The following MAP2K3 variants were observed in gnomAD, a reference collection of about 807,000 sequenced individuals.
MAP2K3 encodes mitogen-activated protein kinase kinase 3.
MAP2K3 carries 30 observed loss-of-function variants against 46.4 expected under a neutral mutation model. That is an observed-to-expected ratio of 0.65 (90% CI 0.48 to 0.88). MAP2K3 has a LOEUF of 0.88. MAP2K3 is among the 40% of genes least tolerant of loss of function. MAP2K3 has a pLI of 0.00. For missense variants in MAP2K3, 380 were observed against 464.5 expected, an observed-to-expected ratio of 0.82 and a Z score of 1.67; for synonymous variants, 189 against 176.3, an observed-to-expected ratio of 1.07 and a Z score of -0.57.
At chr17:21,289,389 A>C (rs1200425689) in intron 1 of MAP2K3, among the ~76,000 whole-genome samples, 1 of 152,070 alleles carries the variant, frequency 6.6e-6, no homozygotes, top group East Asian at 1.9e-4. Context: ...CCCGGGAAGC[A>C]AGAGGGCCTG....
chr17:21,288,695 T>A (rs1490237588), intron 1 of MAP2K3, among the ~76,000 whole-genome samples: 1 of 152,252 alleles, frequency 6.6e-6, no homozygotes, highest in Non-Finnish European at 1.5e-5. Context: ...ATCTGCAGAC[T>A]GAGAATGGGG....
intron 8 of MAP2K3, 122 bp downstream of exon 8, chr17:21,304,675 C>G: frequency 3.3e-6 from 5 of 1,494,324 alleles, no homozygotes; most frequent in Non-Finnish European, 2.7e-6. Flanking sequence ...ACTGCGTTTC[C>G]TGCTGTAGTG....
chr17:21,294,197 A>G (rs1976107767), intron 1 of MAP2K3, among the ~76,000 whole-genome samples: 2 of 49,774 alleles, frequency 4.0e-5, no homozygotes, highest in Non-Finnish European at 8.7e-5. Flanking sequence ...GGCCTGGGGC[A>G]GGGCGGCGCC....
At chr17:21,289,079 A>G (rs1355610432) in intron 1 of MAP2K3, among the ~76,000 whole-genome samples, 1 of 152,242 alleles carries the variant, frequency 6.6e-6, no homozygotes, top group Admixed American at 6.5e-5. Context: ...AAACAGTAGC[A>G]GGGCTTCGTG....
At chr17:21,300,137 CTTTTG>C (rs1483868769) in intron 3 of MAP2K3, among the ~76,000 whole-genome samples, 3 of 152,312 alleles carry the variant, frequency 2.0e-5, no homozygotes, top group Admixed American at 6.5e-5. Flanking sequence ...GAAGGCAATA[CTTTTG>C]TTTTGTTGTC....
chr17:21,298,786 C>A, intron 2 of MAP2K3, 92 bp from the exon 3 acceptor site: 1 of 1,592,178 alleles, frequency 6.3e-7, no homozygotes, highest in Non-Finnish European at 8.6e-7. Context: ...GCACCTCGTC[C>A]CCACGCCAGG....
At chr17:21,300,517 C>G (rs1472669872) in intron 3 of MAP2K3, 28 bp from the exon 4 acceptor site, 4 of 1,585,174 alleles carry the variant, frequency 2.5e-6, no homozygotes, top group Non-Finnish European at 3.4e-6. Context: ...AGCTTGCTGG[C>G]CACTGACTCT....
chr17:21,310,701 CAG>C (rs1977120602), intron 9 of MAP2K3, among the ~76,000 whole-genome samples: 1 of 152,266 alleles, frequency 6.6e-6, no homozygotes, highest in Non-Finnish European at 1.5e-5. Context: ...TGGGGAGTCA[CAG>C]GGGTGCGACT....
intron 1 of MAP2K3, chr17:21,295,809 T>C (rs533762597): frequency 3.3e-5 from 42 of 1,289,630 alleles, no homozygotes; most frequent in African/African-American, 1.7e-4. Context: ...GGCCACATGA[T>C]ACAACATTCC....
chr17:21,286,697 T>A (rs1329818503), intron 1 of MAP2K3, among the ~76,000 whole-genome samples: 4 of 152,196 alleles, frequency 2.6e-5, no homozygotes, highest in Non-Finnish European at 5.9e-5. Flanking sequence ...AGGCAGAGAA[T>A]GCCTCATCAA....
chr17:21,301,249 C>T lies in MAP2K3; in HGVS notation c.399+256C>T, dbSNP rs939860979. Among the ~76,000 whole-genome samples the T allele has an allele frequency of 9.8e-5, 15 of 152,376 alleles. No homozygotes were observed. In the South Asian group the frequency reaches 2.3e-3, roughly 23 times the overall value. On this transcript the variant is annotated intron_variant, in intron 5 of 11. Coordinates refer to ENST00000342679, the MANE Select transcript of MAP2K3 (RefSeq NM_145109.3). ...ACGACATGGCCTGGGGCCTGGCATT[C>T]AGCTGCACTCAGTTCTGTCTGTGTG... is the stretch of plus-strand genomic sequence containing the variant.
At chr17:21,295,594 C>T (rs929638845) in intron 1 of MAP2K3, 1 of 1,280,768 alleles carries the variant, frequency 7.8e-7, no homozygotes. Flanking sequence ...CCATGACGGC[C>T]TCACCCACTC....
Position 21,284,986 on chromosome 17 carries a change from G to T in MAP2K3, c.49+17G>T. 1 of 1,604,878 alleles carries T rather than the reference G, an allele frequency of 6.2e-7. No homozygotes were observed. ...AGTCCAAAGGTAGGCGCTCCCGGCC[G>T]GGACCTCGGCCTGACCCCGCGCCTA... On this transcript the variant is annotated intron_variant, in intron 1 of 11. Transcript: ENST00000342679.
intron 3 of MAP2K3, 71 bp downstream of exon 3, chr17:21,298,997 G>A: frequency 3.7e-6 from 6 of 1,605,980 alleles, no homozygotes; most frequent in South Asian, 1.1e-5. Context: ...GACCCTGCAG[G>A]GCCACTTTGG....
At chr17:21,288,086 C>T (rs1450278512) in intron 1 of MAP2K3, 1 of 1,289,262 alleles carries the variant, frequency 7.8e-7, no homozygotes, top group Admixed American at 2.3e-5. Flanking sequence ...GCGGAGGCTT[C>T]CGGCGGTGAG....
At chr17:21,296,694 T>G (rs1976271537) in intron 1 of MAP2K3, among the ~76,000 whole-genome samples, 1 of 152,308 alleles carries the variant, frequency 6.6e-6, no homozygotes, top group South Asian at 2.1e-4. Flanking sequence ...GCTGTGGGAG[T>G]ATCTGGAGTC....
chr17:21,302,783 A>G (rs1976678748), intron 6 of MAP2K3, among the ~76,000 whole-genome samples: 1 of 152,310 alleles, frequency 6.6e-6, no homozygotes, highest in Non-Finnish European at 1.5e-5. Context: ...AACATTTACA[A>G]TATACCCCTG....
chr17:21,311,451 C>T (rs981920958), intron 9 of MAP2K3, among the ~76,000 whole-genome samples: 1 of 152,078 alleles, frequency 6.6e-6, no homozygotes, highest in African/African-American at 2.4e-5. Flanking sequence ...ATGTCACCCA[C>T]AGGAAATCTG....
At chr17:21,303,109 A>T in intron 6 of MAP2K3, 74 bp from the exon 7 acceptor site, 2 of 1,593,726 alleles carry the variant, frequency 1.3e-6, no homozygotes, top group Non-Finnish European at 1.7e-6. Context: ...ATGGGGTCTT[A>T]CTGCTCTGTC....
Sources: gnomAD v4.1 joint callset for allele counts (sites outside exome capture counted in the v4.1 genomes callset) on GRCh38, gnomAD v4.1.1 for gene constraint, MANE v1.5 for transcripts, NCBI Gene and HGNC (gene_info 2026-07-23, HGNC 2026-07-21) for gene names.